The following KLHL4 variants were observed in gnomAD, a reference collection of about 807,000 sequenced individuals.
The protein encoded by KLHL4 is kelch-like protein 4.
In KLHL4, 17 loss-of-function variants were observed where a neutral mutation model predicts 45.8. That is an observed-to-expected ratio of 0.37 (90% confidence interval 0.25 to 0.56). The LOEUF (loss-of-function observed/expected upper bound fraction) is 0.56, where lower values mean the gene tolerates loss of function less well. Among genes scored for constraint, KLHL4 ranks in the 20% least tolerant of loss-of-function variants. KLHL4 has a pLI of 0.79. For missense variants in KLHL4, 544 were observed against 544.9 expected (o/e 1.00, Z 0.02); for synonymous variants, 224 against 189.9 (o/e 1.18, Z -1.47).
chrX:87,536,749 T>G (rs949889875), intron 1 of KLHL4, among the ~76,000 whole-genome samples: 1 of 110,894 alleles, frequency 9.0e-6, no homozygotes, highest in Non-Finnish European at 1.9e-5. Context: ...CTGAAAAAAA[T>G]ATGAAGAAGG....
chrX:87,531,383 G>T (rs1233684520), intron 1 of KLHL4, among the ~76,000 whole-genome samples: 2 of 111,047 alleles, frequency 1.8e-5, no homozygotes, highest in African/African-American at 3.3e-5. Flanking sequence ...TTTCTTCTAG[G>T]GTTTGTATGG....
intron 1 of KLHL4, among the ~76,000 whole-genome samples, chrX:87,597,772 G>A (rs1256851574): frequency 9.0e-6 from 1 of 111,316 alleles, no homozygotes; most frequent in Non-Finnish European, 1.9e-5. Flanking sequence ...GTGTTGTTAT[G>A]CATCATATAT....
chrX:87,656,198 T>G (rs192364032), intron 9 of KLHL4, among the ~76,000 whole-genome samples: 8 of 111,217 alleles, frequency 7.2e-5, no homozygotes, highest in African/African-American at 2.6e-4. Context: ...TCTGGAGTTT[T>G]TTGAGTTTCT....
intron 1 of KLHL4, among the ~76,000 whole-genome samples, chrX:87,530,235 C>G (rs1247927315): frequency 9.2e-6 from 1 of 109,123 alleles, no homozygotes; most frequent in African/African-American, 3.3e-5. Flanking sequence ...AGGTTTTCTT[C>G]TAGGGTTTTT....
In KLHL4 at chrX:87,668,502, G is replaced by A; in HGVS notation, c.*1968G>A. On this transcript the variant is annotated 3_prime_UTR_variant, in exon 11 of 11. Transcript: ENST00000373119. Reference sequence around the variant, plus strand: ...AGCTGCATTTAAAAATGGTGTTCAGGCCACTATGGCTGCTGTGGTTTGAAT... The same window carrying A: ...AGCTGCATTTAAAAATGGTGTTCAGACCACTATGGCTGCTGTGGTTTGAAT... 4.0e-6 allele frequency: 3 copies of A among 750,078 alleles called. No homozygotes were observed. The highest frequency in any genetic ancestry group is 4.7e-6 in the Non-Finnish European group (3 of 635,492). 61.8% of individuals were successfully genotyped at this position (750,078 alleles called of 1,213,427 possible).
intron 1 of KLHL4, among the ~76,000 whole-genome samples, chrX:87,591,392 G>A (rs1157607127): frequency 8.9e-6 from 1 of 111,745 alleles, no homozygotes; most frequent in African/African-American, 3.3e-5. Context: ...TTTTAACAAG[G>A]ATATATTGTG....
intron 8 of KLHL4, among the ~76,000 whole-genome samples, chrX:87,635,230 T>C (rs1923227501): frequency 8.9e-6 from 1 of 112,012 alleles, no homozygotes; most frequent in Non-Finnish European, 1.9e-5. Context: ...TTTGGAACTA[T>C]CCTGCCAATC....
intron 1 of KLHL4, among the ~76,000 whole-genome samples, chrX:87,533,587 G>T (rs1451220544): frequency 9.4e-6 from 1 of 106,237 alleles, no homozygotes; most frequent in African/African-American, 3.4e-5. Context: ...ATAGCATTAG[G>T]AGATATACCT....
intron 9 of KLHL4, among the ~76,000 whole-genome samples, chrX:87,640,601 T>G (rs1923421896): frequency 8.9e-6 from 1 of 111,824 alleles, no homozygotes; most frequent in Admixed American, 9.5e-5. Context: ...CATAATCATC[T>G]CAATAAATGC....
chrX:87,520,935 G>A (rs1164342048), intron 1 of KLHL4, among the ~76,000 whole-genome samples: 1 of 112,139 alleles, frequency 8.9e-6, no homozygotes, highest in Non-Finnish European at 1.9e-5. Flanking sequence ...GGATGTCACA[G>A]TGTTAACATG....
At position 87,669,542 on chromosome X, in the gene KLHL4, G is replaced by A; in HGVS notation, c.*3008G>A. On this transcript the variant is annotated 3_prime_UTR_variant, in exon 11 of 11. Coordinates refer to ENST00000373119, the MANE Select transcript of KLHL4 (RefSeq NM_019117.5). ...ATAGAAAAAAAAACCCTGTGACTCT[G>A]GATTTTATTTTAAGTTCTCTAACAA... is the stretch of plus-strand genomic sequence containing the variant. 3.0e-6 allele frequency: 2 copies of A among 664,871 alleles called. No individual in the cohort carries two copies. Among genetic ancestry groups the A allele is most frequent in the East Asian group, 8.2e-5 (2 of 24,513 alleles). The allele number at this position is 664,871 out of a possible 1,213,427, so 54.8% of individuals were successfully genotyped here.
chrX:87,667,131 G>A lies in KLHL4; in HGVS notation c.*597G>A, dbSNP rs1054290519. ...TTTGACAAAACTTGTTATGTTGATC[G>A]CGGTATGTCAAAATTTTTACAGGTT... is the stretch of plus-strand genomic sequence containing the variant. On this transcript the variant is annotated 3_prime_UTR_variant, in exon 11 of 11. Transcript: ENST00000373119. 4 of 750,346 alleles carry A rather than the reference G, an allele frequency of 5.3e-6. No individual in the cohort carries two copies. The highest frequency in any genetic ancestry group is 4.7e-5 in the African/African-American group (2 of 42,846). The allele number at this position is 750,346 out of a possible 1,213,427, so 61.8% of individuals were successfully genotyped here.
At chrX:87,567,669 C>T (rs773242252) in intron 1 of KLHL4, among the ~76,000 whole-genome samples, 3 of 111,941 alleles carry the variant, frequency 2.7e-5, no homozygotes, top group Non-Finnish European at 5.6e-5. Context: ...ATAGATGCAG[C>T]TGGAGGTTGT....
At chrX:87,523,554 G>T (rs780231817) in intron 1 of KLHL4, among the ~76,000 whole-genome samples, 30 of 111,477 alleles carry the variant, frequency 2.7e-4, no homozygotes, top group African/African-American at 9.4e-4. Context: ...AACTAAAAAA[G>T]CTCCCAATAG....
intron 9 of KLHL4, among the ~76,000 whole-genome samples, chrX:87,641,267 C>T (rs1485318321): frequency 1.8e-5 from 2 of 112,155 alleles, no homozygotes; most frequent in East Asian, 2.8e-4. Flanking sequence ...CTCTCCCAAA[C>T]ACACCCACTG....
chrX:87,637,062 A>G lies in KLHL4; in HGVS notation c.1925+1287A>G, dbSNP rs139161174. 8.1e-5 allele frequency among the ~76,000 whole-genome samples: 9 copies of G among 111,159 alleles called. No individual in the cohort carries two copies. The East Asian group carries it at 2.6e-3, about 32-fold the overall frequency. ...CAACACAAAACCAGCATACTAAACA[A>G]AAATACAACCAAGGACCCTCAGAGC... On this transcript the variant is annotated intron_variant, in intron 9 of 10. Transcript: ENST00000373119.
At chrX:87,591,438 G>T (rs1921660101) in intron 1 of KLHL4, among the ~76,000 whole-genome samples, 1 of 111,534 alleles carries the variant, frequency 9.0e-6, no homozygotes, top group Admixed American at 9.6e-5. Context: ...GTAACAATCA[G>T]GTGAATAGTT....
intron 1 of KLHL4, among the ~76,000 whole-genome samples, chrX:87,565,317 A>G (rs2147786949): frequency 8.9e-6 from 1 of 112,237 alleles, no homozygotes; most frequent in African/African-American, 3.2e-5. Context: ...AAAATAGAGA[A>G]TAGAAAAATA....
chrX:87,548,848 A>AAAAG (rs1452606616), intron 1 of KLHL4, among the ~76,000 whole-genome samples: 2 of 109,038 alleles, frequency 1.8e-5, no homozygotes, highest in African/African-American at 6.6e-5. Flanking sequence ...AAAGAATGAA[A>AAAAG]AAAAAAAAAA....
Sources: gnomAD v4.1 joint callset for allele counts (sites outside exome capture counted in the v4.1 genomes callset) on GRCh38, gnomAD v4.1.1 for gene constraint, MANE v1.5 for transcripts, NCBI Gene and HGNC (gene_info 2026-07-23, HGNC 2026-07-21) for gene names.